Variants in CNTNAP3B observed in about 807,000 individuals in gnomAD.
The protein encoded by CNTNAP3B is contactin associated protein family member 3B.
In CNTNAP3B, 25 loss-of-function variants were observed where a neutral mutation model predicts 108.9. That is an observed-to-expected ratio of 0.23 (90% CI 0.17 to 0.32). The LOEUF is 0.32. CNTNAP3B is among the 10% of genes least tolerant of loss of function. The probability of loss-of-function intolerance (pLI) is 1.00; values close to 1 mark genes in which losing one functional copy is unlikely to be tolerated. For missense variants in CNTNAP3B, 252 were observed against 1,210.4 expected (o/e 0.21, Z 11.75); for synonymous variants, 103 against 473.4 (o/e 0.22, Z 10.16).
chr9:41,968,040 A>G (rs1825332777), intron 10 of CNTNAP3B, among the ~76,000 whole-genome samples: 1 of 152,254 alleles, frequency 6.6e-6, no homozygotes, highest in African/African-American at 2.4e-5. Flanking sequence ...TTTAAGGTTA[A>G]AACAAAACAG....
At chr9:41,962,976 C>CAA (rs66540067) in intron 11 of CNTNAP3B, among the ~76,000 whole-genome samples, 10 of 147,136 alleles carry the variant, frequency 6.8e-5, no homozygotes, top group African/African-American at 2.3e-4. Context: ...AACAAACAAA[C>CAA]AAAAAAAAGA....
chr9:42,007,522 CAT>C (rs1361431816), intron 4 of CNTNAP3B, among the ~76,000 whole-genome samples: 3 of 100,196 alleles, frequency 3.0e-5, no homozygotes, highest in South Asian at 3.6e-4. Flanking sequence ...TACAATTTCA[CAT>C]ATGTCAGTAA....
chr9:42,094,002 G>C (rs1269800615), intron 2 of CNTNAP3B, among the ~76,000 whole-genome samples: 2 of 130,104 alleles, frequency 1.5e-5, no homozygotes, highest in Non-Finnish European at 3.2e-5. Flanking sequence ...TTATAACTGA[G>C]GAAACAAAAA....
chr9:41,930,498 G>A (rs1376757423), intron 14 of CNTNAP3B, among the ~76,000 whole-genome samples: 6 of 152,232 alleles, frequency 3.9e-5, no homozygotes, highest in Non-Finnish European at 4.4e-5. Context: ...AGCCATGTGT[G>A]CAACACTGCA....
chr9:42,052,267 CA>C (rs1826983006), intron 3 of CNTNAP3B, among the ~76,000 whole-genome samples: 1 of 57,774 alleles, frequency 1.7e-5, no homozygotes, highest in Admixed American at 2.3e-4. Flanking sequence ...TCCACAGCAC[CA>C]AAGGTTATTC....
chr9:42,115,473 G>C (rs1177502977), intron 1 of CNTNAP3B, among the ~76,000 whole-genome samples: 1 of 139,704 alleles, frequency 7.2e-6, no homozygotes, highest in East Asian at 2.2e-4. Flanking sequence ...AGTAGGGGCT[G>C]ACTGACACCG....
intron 15 of CNTNAP3B, among the ~76,000 whole-genome samples, chr9:41,925,550 G>A (rs1373726382): frequency 6.6e-6 from 1 of 152,394 alleles, no homozygotes; most frequent in Non-Finnish European, 1.5e-5. Context: ...CCGAGATCCT[G>A]CCACTGCACT....
intron 3 of CNTNAP3B, among the ~76,000 whole-genome samples, chr9:42,055,293 A>ATATACATGAGTG (rs1827042965): frequency 7.5e-6 from 1 of 133,902 alleles, no homozygotes; most frequent in African/African-American, 3.0e-5. Context: ...TTACATGAGT[A>ATATACATGAGTG]TATATATATA....
intron 13 of CNTNAP3B, among the ~76,000 whole-genome samples, chr9:41,952,068 T>C (rs1281488032): frequency 3.3e-5 from 5 of 152,186 alleles, no homozygotes; most frequent in South Asian, 2.1e-4. Flanking sequence ...GACAGAGAGG[T>C]CAATCCAGGC....
intron 14 of CNTNAP3B, among the ~76,000 whole-genome samples, chr9:41,937,114 T>TTTATTATTA (rs373324080): frequency 0.13 from 18,854 of 141,328 alleles, 56 homozygotes; most frequent in Admixed American, 0.16. Context: ...TATTTATTAA[T>TTTATTATTA]TTATTATTAT....
At chr9:42,097,666 A>AT (rs1444849739) in intron 2 of CNTNAP3B, among the ~76,000 whole-genome samples, 1 of 137,648 alleles carries the variant, frequency 7.3e-6, no homozygotes, top group Admixed American at 7.2e-5. Flanking sequence ...TTGATCTTAC[A>AT]TTTTGATTTT....
intron 2 of CNTNAP3B, among the ~76,000 whole-genome samples, chr9:42,085,972 G>A (rs1198245769): frequency 7.0e-6 from 1 of 142,666 alleles, no homozygotes; most frequent in Non-Finnish European, 1.5e-5. Flanking sequence ...GGACATTTGA[G>A]TTGTTTCCAG....
intron 3 of CNTNAP3B, among the ~76,000 whole-genome samples, chr9:42,067,813 G>GA (rs1002834472): frequency 1.5e-5 from 2 of 131,300 alleles, no homozygotes; most frequent in East Asian, 2.2e-4. Flanking sequence ...AATGAAAGAG[G>GA]AAAAAAAAGC....
At chr9:41,934,114 TATATATATAC>T (rs1414543857) in intron 14 of CNTNAP3B, among the ~76,000 whole-genome samples, 24 of 129,480 alleles carry the variant, frequency 1.9e-4, no homozygotes, top group East Asian at 8.1e-4. Context: ...TATATATATA[TATATATATAC>T]ACACACATAT....
chr9:41,934,112 T>TATATATATATATATAC (rs1206776352), intron 14 of CNTNAP3B, among the ~76,000 whole-genome samples: 1 of 126,348 alleles, frequency 7.9e-6, no homozygotes, highest in African/African-American at 3.0e-5. Flanking sequence ...TATATATATA[T>TATATATATATATATAC]ATATATATAT....
intron 8 of CNTNAP3B, among the ~76,000 whole-genome samples, chr9:41,990,821 G>A (rs1361464751): frequency 7.2e-6 from 1 of 138,312 alleles, no homozygotes; most frequent in African/African-American, 2.9e-5. Flanking sequence ...TGTGAGATTA[G>A]TTCCCATCTA....
intron 3 of CNTNAP3B, among the ~76,000 whole-genome samples, chr9:42,068,114 C>T (rs1827313127): frequency 7.9e-6 from 1 of 126,174 alleles, no homozygotes; most frequent in Non-Finnish European, 1.6e-5. Flanking sequence ...GTCAATGTCA[C>T]TGATTTAAAA....
chr9:41,997,414 C>T (rs1428331437), intron 6 of CNTNAP3B, among the ~76,000 whole-genome samples, 154 bp downstream of exon 6: 1 of 152,114 alleles, frequency 6.6e-6, no homozygotes, highest in Non-Finnish European at 1.5e-5. Context: ...ATAAACTGAC[C>T]TATTAGAAGG....
chr9:41,925,427 A>G (rs1306519342), intron 15 of CNTNAP3B, among the ~76,000 whole-genome samples: 3 of 152,142 alleles, frequency 2.0e-5, no homozygotes, highest in Admixed American at 2.0e-4. Context: ...CCCCGTCTCT[A>G]CTAAAAATAC....
Sources: gnomAD v4.1 joint callset for allele counts (sites outside exome capture counted in the v4.1 genomes callset) on GRCh38, gnomAD v4.1.1 for gene constraint, MANE v1.5 for transcripts, NCBI Gene and HGNC (gene_info 2026-07-23, HGNC 2026-07-21) for gene names.